The following SORCS3 variants were observed in gnomAD, a reference collection of about 807,000 sequenced individuals.
SORCS3 encodes VPS10 domain-containing receptor SorCS3.
In SORCS3, 57 loss-of-function variants were observed where a neutral mutation model predicts 146.3. That is an observed-to-expected ratio of 0.39 (90% CI 0.31 to 0.49). The LOEUF (loss-of-function observed/expected upper bound fraction) is 0.49, where lower values mean the gene tolerates loss of function less well. Ranked by LOEUF, SORCS3 falls within the 20% of genes least tolerant of loss-of-function variation. The pLI, the probability that SORCS3 is intolerant of heterozygous loss-of-function variation, is 0.92. For synonymous variants in SORCS3, 653 were observed against 618.5 expected, an observed-to-expected ratio of 1.06 and a Z score of -0.83; for missense variants, 1,341 against 1,575.5, an observed-to-expected ratio of 0.85 and a Z score of 2.52.
At chr10:105,203,976 C>T (rs962942052) in intron 16 of SORCS3, among the ~76,000 whole-genome samples, 1 of 152,092 alleles carries the variant, frequency 6.6e-6, no homozygotes, top group African/African-American at 2.4e-5. Flanking sequence ...ATCTTGGGGT[C>T]TGATCCATTT....
intron 19 of SORCS3, among the ~76,000 whole-genome samples, chr10:105,218,036 A>G (rs1185812606): frequency 6.6e-6 from 1 of 152,228 alleles, no homozygotes; most frequent in East Asian, 1.9e-4. Context: ...GCACCCTCCT[A>G]TTAACAACTC....
rs185170434 is a variant in SORCS3, at chr10:105,206,700, T to C, written c.2262-4437T>C. On this transcript the variant is annotated intron_variant, in intron 16 of 26. Coordinates refer to ENST00000369701, the MANE Select transcript of SORCS3 (RefSeq NM_014978.3). Reference sequence around the variant, plus strand: ...AAATAGTTGGGATATAATTGTAATTTTTCTTTGAGACTGTATTTGGGCTTA... The same window carrying C: ...AAATAGTTGGGATATAATTGTAATTCTTCTTTGAGACTGTATTTGGGCTTA... Among the ~76,000 whole-genome samples, 401 of 152,346 alleles carry C rather than the reference T, an allele frequency of 2.6e-3. 4 individuals are homozygous for C. Among genetic ancestry groups the C allele is most frequent in the Non-Finnish European group, 4.1e-3 (276 of 68,038 alleles).
intron 1 of SORCS3, 53 bp downstream of exon 1, chr10:104,642,007 T>TGGGG (rs1243674861): frequency 2.7e-4 from 16 of 59,778 alleles, no homozygotes; most frequent in South Asian, 4.3e-4. Flanking sequence ...CGAAGGGGAA[T>TGGGG]GGGGGGGTGG....
chr10:104,974,225 G>A (rs1426020944), intron 3 of SORCS3, among the ~76,000 whole-genome samples: 2 of 152,264 alleles, frequency 1.3e-5, no homozygotes, highest in African/African-American at 4.8e-5. Flanking sequence ...TTGGTGCAGA[G>A]CTGAGTTCAA....
At chr10:105,220,954 C>T (rs1029766879) in intron 19 of SORCS3, among the ~76,000 whole-genome samples, 2 of 152,112 alleles carry the variant, frequency 1.3e-5, no homozygotes, top group Non-Finnish European at 2.9e-5. Context: ...TCTGAATTGA[C>T]AAAGTTGAAA....
At chr10:105,013,225 A>G (rs547563625) in intron 4 of SORCS3, among the ~76,000 whole-genome samples, 1 of 152,262 alleles carries the variant, frequency 6.6e-6, no homozygotes, top group Non-Finnish European at 1.5e-5. Flanking sequence ...TTATTAGCAA[A>G]CTAGGAGATG....
intron 1 of SORCS3, among the ~76,000 whole-genome samples, chr10:104,752,523 C>T: frequency 6.6e-6 from 1 of 152,148 alleles, no homozygotes; most frequent in East Asian, 1.9e-4. Context: ...AGTCACTTCA[C>T]AGTTTTACTG....
At position 105,048,016 on chromosome 10, in the gene SORCS3, T is replaced by G. The variant is rs531153701; in HGVS notation, c.1028+4888T>G. On this transcript the variant is annotated intron_variant, in intron 5 of 26. Coordinates refer to ENST00000369701, the MANE Select transcript of SORCS3 (RefSeq NM_014978.3). ...CTCACACCAGTTAGAATGGCGATCA[T>G]GAAAAAGTCAGGAAACAACAGGTGC... Among the ~76,000 whole-genome samples the G allele has an allele frequency of 1.8e-4, 28 of 152,138 alleles. 1 individual carries two copies. Among genetic ancestry groups the G allele is most frequent in the Admixed American group, 1.8e-3 (27 of 15,266 alleles).
At chr10:104,672,035 A>G (rs2015861623) in intron 1 of SORCS3, among the ~76,000 whole-genome samples, 1 of 152,188 alleles carries the variant, frequency 6.6e-6, no homozygotes, top group South Asian at 2.1e-4. Flanking sequence ...TTTTTGGAAA[A>G]GTTTAAGAAG....
At chr10:105,043,018 T>G (rs1303272068) in intron 4 of SORCS3, 37 bp from the exon 5 acceptor site, 6 of 1,582,450 alleles carry the variant, frequency 3.8e-6, no homozygotes, top group Non-Finnish European at 5.2e-6. Flanking sequence ...CAGCAGTGGT[T>G]CCTTGAGACT....
At chr10:105,253,490 G>T (rs1218609334) in intron 23 of SORCS3, among the ~76,000 whole-genome samples, 1 of 152,150 alleles carries the variant, frequency 6.6e-6, no homozygotes, top group Non-Finnish European at 1.5e-5. Context: ...ACTGTGATCT[G>T]CACGCTGTCC....
chr10:105,103,169 C>G (rs895000083), intron 6 of SORCS3, among the ~76,000 whole-genome samples: 4 of 152,074 alleles, frequency 2.6e-5, no homozygotes, highest in African/African-American at 7.2e-5. Context: ...GAGCAGTTCC[C>G]CCTTAAAATA....
chr10:105,039,392 G>A (rs2055324807), intron 4 of SORCS3, among the ~76,000 whole-genome samples: 1 of 151,498 alleles, frequency 6.6e-6, no homozygotes, highest in South Asian at 2.1e-4. Flanking sequence ...ACCAGAGATA[G>A]GCAAGGTAGG....
intron 1 of SORCS3, among the ~76,000 whole-genome samples, chr10:104,755,754 A>G (rs2017043387): frequency 6.6e-6 from 1 of 152,228 alleles, no homozygotes; most frequent in Admixed American, 6.5e-5. Context: ...GTGAGGCAGA[A>G]GAGCAATATG....
chr10:104,980,485 C>A (rs1054616197), intron 4 of SORCS3, among the ~76,000 whole-genome samples: 1 of 152,156 alleles, frequency 6.6e-6, no homozygotes, highest in African/African-American at 2.4e-5. Context: ...AATGAAAATG[C>A]AAGTGTAGTT....
At chr10:104,659,410 C>T (rs1256686650) in intron 1 of SORCS3, among the ~76,000 whole-genome samples, 1 of 152,168 alleles carries the variant, frequency 6.6e-6, no homozygotes, top group African/African-American at 2.4e-5. Context: ...GACTTTTAGT[C>T]CAGTGCTCTT....
At chr10:105,260,426 A>G (rs2056953891) in intron 25 of SORCS3, among the ~76,000 whole-genome samples, 1 of 152,184 alleles carries the variant, frequency 6.6e-6, no homozygotes, top group Non-Finnish European at 1.5e-5. Flanking sequence ...ATTAATTTTT[A>G]ATTATACCAC....
intron 1 of SORCS3, among the ~76,000 whole-genome samples, chr10:104,683,118 C>T (rs1244820091): frequency 1.3e-5 from 2 of 152,224 alleles, no homozygotes; most frequent in Non-Finnish European, 2.9e-5. Flanking sequence ...TGTCCTCAAC[C>T]TGGTGCATCC....
At chr10:104,928,529 G>GTT (rs112450978) in intron 3 of SORCS3, among the ~76,000 whole-genome samples, 122 of 151,470 alleles carry the variant, frequency 8.1e-4, no homozygotes, top group African/African-American at 2.8e-3. Flanking sequence ...GAAATGACTC[G>GTT]ATTTTTTTTT....
Sources: gnomAD v4.1 joint callset for allele counts (sites outside exome capture counted in the v4.1 genomes callset) on GRCh38, gnomAD v4.1.1 for gene constraint, MANE v1.5 for transcripts, NCBI Gene and HGNC (gene_info 2026-07-23, HGNC 2026-07-21) for gene names.